FOCAD: variants seen among roughly 807,000 people sequenced by gnomAD.
FOCAD encodes focadhesin, also known as KIAA1797.
A neutral mutation model predicts 225.6 loss-of-function variants in FOCAD; 198 were observed. That is an observed-to-expected ratio of 0.88 (90% CI 0.78 to 0.99). The LOEUF (loss-of-function observed/expected upper bound fraction) is 0.99, where lower values mean the gene tolerates loss of function less well. FOCAD is among the 50% of genes least tolerant of loss of function. The pLI is 0.00. For synonymous variants in FOCAD, 897 were observed against 755.0 expected (o/e 1.19, Z -3.08); for missense variants, 2,713 against 2,123.6 (o/e 1.28, Z -5.46).
At chr9:20,913,570 T>C (rs1833623333) in intron 23 of FOCAD, among the ~76,000 whole-genome samples, 3 of 152,248 alleles carry the variant, frequency 2.0e-5, no homozygotes, top group Admixed American at 2.0e-4. Flanking sequence ...TAAATAGCTT[T>C]GCCTACAACC....
chr9:20,821,029 T>C lies in FOCAD; in HGVS notation c.1751T>C (p.Leu584Pro). The C allele has an allele frequency of 1.2e-6, 2 of 1,612,828 alleles. No homozygotes were observed. The highest frequency in any genetic ancestry group is 1.7e-6 in the Non-Finnish European group (2 of 1,179,164). The change falls in exon 14 of 44, where the codon CTG becomes CCG. Residue 584 changes from leucine to proline, a missense_variant. Coordinates refer to ENST00000338382, the MANE Select transcript of FOCAD (RefSeq NM_001375567.1). ...GGCAAGGAAGTCCAATGGGAGAAAC[T>C]GATTGCAAAAGCAGCATCAATCAGA... ...SVGKEVQWEK[L>P]IAKAASIRDI...
chr9:20,972,060 G>T (rs1287699181), intron 35 of FOCAD, among the ~76,000 whole-genome samples: 2 of 152,060 alleles, frequency 1.3e-5, no homozygotes, highest in Non-Finnish European at 2.9e-5. Context: ...ATGAACATGG[G>T]TTTGCAAGAT....
At chr9:20,902,616 A>G (rs1294591145) in intron 21 of FOCAD, among the ~76,000 whole-genome samples, 1 of 151,978 alleles carries the variant, frequency 6.6e-6, no homozygotes, top group African/African-American at 2.4e-5. Context: ...GTGTTAGGAC[A>G]AGGAAAGATT....
chr9:20,973,882 C>G lies in FOCAD; in HGVS notation c.4133-2538C>G, dbSNP rs1385418667. Among the ~76,000 whole-genome samples the G allele has an allele frequency of 8.8e-5, 10 of 113,394 alleles. 1 individual carries two copies. Among genetic ancestry groups the G allele is most frequent in the African/African-American group, 1.9e-4 (6 of 30,966 alleles). The allele number at this position is 113,394 out of a possible 152,430, so 74.4% of individuals were successfully genotyped here. A position where few individuals can be genotyped will look rare whatever the true frequency, so the allele number is the denominator to read the frequency against. ...ATTTCTGCTGCTGTTTTCATGTTTG[C>G]TGACTCTGCCCTACTTCCCCCTACT... On this transcript the variant is annotated intron_variant, in intron 35 of 43. Coordinates refer to ENST00000338382, the MANE Select transcript of FOCAD (RefSeq NM_001375567.1).
At chr9:20,756,023 T>C (rs567451253) in intron 5 of FOCAD, among the ~76,000 whole-genome samples, 1 of 152,306 alleles carries the variant, frequency 6.6e-6, no homozygotes, top group African/African-American at 2.4e-5. Flanking sequence ...CATCTGATAC[T>C]ACATACCTGA....
chr9:20,949,750 C>G, intron 33 of FOCAD, 75 bp downstream of exon 33: 1 of 1,226,612 alleles, frequency 8.2e-7, no homozygotes, highest in Non-Finnish European at 1.2e-6. Context: ...TTACATGATA[C>G]AACATGTTTT....
At chr9:20,877,405 C>T (rs1206439906) in intron 19 of FOCAD, among the ~76,000 whole-genome samples, 1 of 152,044 alleles carries the variant, frequency 6.6e-6, no homozygotes, top group Non-Finnish European at 1.5e-5. Flanking sequence ...TTTTAAAAGG[C>T]AATTTACTTG....
chr9:20,808,080 A>G (rs1185877952), intron 11 of FOCAD, among the ~76,000 whole-genome samples: 1 of 151,916 alleles, frequency 6.6e-6, no homozygotes, highest in Non-Finnish European at 1.5e-5. Context: ...AATACTCCTT[A>G]TTGGTTTTAC....
At chr9:20,655,832 T>C (rs1186730300), upstream of FOCAD, among the ~76,000 whole-genome samples, 2 of 152,092 alleles carry the variant, frequency 1.3e-5, no homozygotes, top group Non-Finnish European at 2.9e-5. Flanking sequence ...TTGAATGTGT[T>C]TGCTCTTGCC....
At position 20,820,418 on chromosome 9, in the gene FOCAD, A is replaced by G. The variant is rs993672549; in HGVS notation, c.1655A>G (p.Glu552Gly). The G allele has an allele frequency of 2.5e-6, 4 of 1,612,102 alleles. No homozygotes were observed. Among genetic ancestry groups the G allele is most frequent in the East Asian group, 2.2e-5 (1 of 44,808 alleles). Residue 552 changes from glutamate (E) to glycine (G), a missense_variant, in exon 13 of 44, where the codon GAA becomes GGA. Transcript: ENST00000338382. ...TTGCGCTTGCTGACATCTTTGTGGGAAAAGCAGGTAATTTCAGATATACAC... is the reference window on the plus strand; with the variant it reads ...TTGCGCTTGCTGACATCTTTGTGGGGAAAGCAGGTAATTTCAGATATACAC... ...VTLRLLTSLW[E>G]KQDRVYPELQ...
intron 15 of FOCAD, among the ~76,000 whole-genome samples, chr9:20,851,836 C>CAAAAAAAA (rs1827688071): frequency 6.6e-6 from 1 of 151,916 alleles, no homozygotes; most frequent in African/African-American, 2.4e-5. Context: ...ATCCAGCCCA[C>CAAAAAAAA]TACCTTTTTT....
At chr9:20,941,860 T>A (rs1836689631) in intron 28 of FOCAD, among the ~76,000 whole-genome samples, 1 of 152,198 alleles carries the variant, frequency 6.6e-6, no homozygotes, top group African/African-American at 2.4e-5. Context: ...CAAGCTATTC[T>A]TGGTTCAAAG....
At chr9:20,683,262 G>A (rs1431976473), upstream of FOCAD, 1 of 152,134 alleles carries the variant, frequency 6.6e-6, no homozygotes, top group Non-Finnish European at 1.5e-5. Context: ...TCAAGATCTG[G>A]CAGCAGACCT....
intron 21 of FOCAD, among the ~76,000 whole-genome samples, chr9:20,899,560 C>G (rs1406952792): frequency 6.6e-6 from 1 of 151,894 alleles, no homozygotes; most frequent in Non-Finnish European, 1.5e-5. Flanking sequence ...CAGCTTTTTA[C>G]TTGTTGTTAA....
intron 40 of FOCAD, 28 bp downstream of exon 40, chr9:20,986,493 A>G (rs1841187372): frequency 6.4e-7 from 1 of 1,563,164 alleles, no homozygotes; most frequent in Non-Finnish European, 8.6e-7. Flanking sequence ...TGAACATCAG[A>G]AACAGGAATA....
chr9:20,772,546 G>A (rs1818342246), intron 8 of FOCAD, among the ~76,000 whole-genome samples: 1 of 152,134 alleles, frequency 6.6e-6, no homozygotes, highest in African/African-American at 2.4e-5. Context: ...TCAATAAGAG[G>A]GAGTGGTCAG....
chr9:20,852,877 A>T (rs1189626718), intron 15 of FOCAD, among the ~76,000 whole-genome samples: 1 of 151,626 alleles, frequency 6.6e-6, no homozygotes, highest in Non-Finnish European at 1.5e-5. Flanking sequence ...CTGTTGAACA[A>T]CTTCCCAGTA....
intron 11 of FOCAD, among the ~76,000 whole-genome samples, chr9:20,813,295 G>A (rs1823287126): frequency 6.6e-6 from 1 of 152,002 alleles, no homozygotes; most frequent in African/African-American, 2.4e-5. Context: ...CATCTCTTGA[G>A]TATTATGAAT....
intron 26 of FOCAD, among the ~76,000 whole-genome samples, chr9:20,927,545 C>T (rs1835074659): frequency 6.6e-6 from 1 of 151,678 alleles, no homozygotes; most frequent in Non-Finnish European, 1.5e-5. Flanking sequence ...AAAAAAGCCA[C>T]CTGTTACCCA....
Sources: gnomAD v4.1 joint callset for allele counts (sites outside exome capture counted in the v4.1 genomes callset) on GRCh38, gnomAD v4.1.1 for gene constraint, MANE v1.5 for transcripts, NCBI Gene and HGNC (gene_info 2026-07-23, HGNC 2026-07-21) for gene names.